The following FAM131B variants were observed in gnomAD, a reference collection of about 807,000 sequenced individuals.
FAM131B encodes family with sequence similarity 131 member B, also known as protein FAM131B.
A neutral mutation model predicts 42.0 loss-of-function variants in FAM131B; 19 were observed. That is an observed-to-expected ratio of 0.45 (90% confidence interval 0.32 to 0.66). The LOEUF is 0.66. FAM131B is among the 30% of genes least tolerant of loss of function. The pLI is 0.05. For synonymous variants in FAM131B, 183 were observed against 177.6 expected (o/e 1.03, Z -0.24); for missense variants, 370 against 468.4 (o/e 0.79, Z 1.94).
Position 143,362,088 on chromosome 7 carries a change from A to C in FAM131B, c.28+488T>G. 1.0e-6 allele frequency: 1 copy of C among 982,246 alleles called. No individual in the cohort carries two copies. Among genetic ancestry groups the C allele is most frequent in the Non-Finnish European group, 1.2e-6 (1 of 826,852 alleles). The allele number at this position is 982,246 out of a possible 1,614,324, so 60.8% of individuals were successfully genotyped here. ...GGAGAGGGAGAGAGAGATGGGGCAA[A>C]GCACCCGAGCCAGATGGAGGCGGCG... On this transcript the variant is annotated intron_variant, in intron 1 of 6. Coordinates refer to ENST00000443739, the MANE Select transcript of FAM131B (RefSeq NM_001031690.3). This position sits in a 1 kb window ranked among gnomAD's most constrained non-coding sequence, Gnocchi z 7.7.
chr7:143,367,732 C>T (rs559202317), upstream of FAM131B, among the ~76,000 whole-genome samples: 6 of 144,174 alleles, frequency 4.2e-5, no homozygotes, highest in South Asian at 2.2e-4. Context: ...GAAAGCTTAT[C>T]GGCATGGGCA....
At chr7:143,360,230 C>A in intron 1 of FAM131B, 81 bp from the exon 2 acceptor site, 1 of 1,539,334 alleles carries the variant, frequency 6.5e-7, no homozygotes, top group African/African-American at 1.4e-5. Flanking sequence ...CCCTTCACAC[C>A]CCTTCCTTAC....
chr7:143,364,114 G>A (rs1183536643), upstream of FAM131B: 4 of 152,152 alleles, frequency 2.6e-5, no homozygotes, highest in East Asian at 1.9e-4. Context: ...GATTTTAATC[G>A]TTTAGTGTAG....
the FAM131B span, chr7:143,380,372 T>G: frequency 3.8e-5 from 37 of 982,658 alleles, no homozygotes; most frequent in Admixed American, 6.2e-5. The surrounding 1 kb of genome is among the most constrained non-coding windows in gnomAD (Gnocchi z 5.0). Flanking sequence ...GCCCAAGAGC[T>G]CCACCGTCGC....
At position 143,357,422 on chromosome 7, in the gene FAM131B, G is replaced by C. The variant is rs375068827; in HGVS notation, c.468C>G (p.Gly156=). The change falls in exon 6 of 7, where the codon GGC becomes GGG. Residue 156 remains glycine (G), a splice_region_variant and synonymous_variant. Coordinates refer to ENST00000443739, the MANE Select transcript of FAM131B (RefSeq NM_001031690.3). The part of the protein sequence containing the change: ...DGEKEARFLA[G]VMEQFAISEA... Reference sequence around the variant, plus strand: ...CAGAGATAGCAAACTGCTCCATGACGCCTGGGGGAAGAAATGCAACAACCA... The same window carrying C: ...CAGAGATAGCAAACTGCTCCATGACCCCTGGGGGAAGAAATGCAACAACCA... 1 of 1,604,826 alleles carries C rather than the reference G, an allele frequency of 6.2e-7. No homozygotes were observed. Among genetic ancestry groups the C allele is most frequent in the Admixed American group, 1.7e-5 (1 of 57,766 alleles).
the FAM131B span, among the ~76,000 whole-genome samples, chr7:143,378,779 G>T: frequency 6.6e-6 from 1 of 152,102 alleles, no homozygotes; most frequent in Non-Finnish European, 1.5e-5. Context: ...GTTTCACCAC[G>T]TTGGTCAGGC....
intron 1 of FAM131B, chr7:143,360,417 C>T: frequency 7.6e-7 from 1 of 1,318,328 alleles, no homozygotes; most frequent in Non-Finnish European, 9.7e-7. Context: ...TGGGTTTTAT[C>T]AGAAAACCAA....
chr7:143,363,599 C>G (rs1804097312), upstream of FAM131B, among the ~76,000 whole-genome samples: 2 of 152,130 alleles, frequency 1.3e-5, no homozygotes, highest in African/African-American at 4.8e-5. Flanking sequence ...AGATGAAGGT[C>G]TAAGTTGCAA....
rs1299933703 is a variant in FAM131B at position 143,360,034 on chromosome 7, T to G, written c.138+6A>C. 6.2e-7 allele frequency: 1 copy of G among 1,606,844 alleles called. No homozygotes were observed. The highest frequency in any genetic ancestry group is 8.5e-7 in the Non-Finnish European group (1 of 1,173,974). ...AGAGACTTGGGGTGGCTGAGTGAGG[T>G]CTCACCTCAGTCGATGGCCGATGGA... On this transcript the variant is annotated splice_donor_region_variant and intron_variant, in intron 2 of 6. Coordinates refer to ENST00000443739, the MANE Select transcript of FAM131B (RefSeq NM_001031690.3).
the FAM131B span, among the ~76,000 whole-genome samples, chr7:143,370,141 G>GC: frequency 3.3e-5 from 5 of 152,192 alleles, no homozygotes; most frequent in African/African-American, 1.2e-4. Context: ...CTGTGTTGGG[G>GC]GCAGGGCCAA....
the FAM131B span, among the ~76,000 whole-genome samples, chr7:143,369,180 G>A: frequency 6.6e-6 from 1 of 152,136 alleles, no homozygotes; most frequent in Non-Finnish European, 1.5e-5. Context: ...GTTAGTAAGT[G>A]GCTGAACTGT....
At chr7:143,370,586 C>A in the FAM131B span, among the ~76,000 whole-genome samples, 1 of 152,158 alleles carries the variant, frequency 6.6e-6, no homozygotes, top group African/African-American at 2.4e-5. Context: ...CGAGAGTAAC[C>A]TCTGGTCTTC....
the FAM131B span, chr7:143,381,723 G>T: frequency 3.1e-6 from 5 of 1,601,132 alleles, no homozygotes; most frequent in Non-Finnish European, 4.3e-6. Context: ...CCGGCACCCG[G>T]GGCCCAGCGC....
rs758228344 is a variant in FAM131B at position 143,357,059 on chromosome 7, A to G, written c.611-37T>C. On this transcript the variant is annotated intron_variant, in intron 6 of 6. Transcript: ENST00000443739. The stretch of plus-strand genomic sequence containing the variant: ...ATCATGGAGGTCAGTGGGGCCACAG[A>G]ATGTCAAGGGCAGGAATGACAGCAC... 13 of 1,476,110 alleles carry G rather than the reference A, an allele frequency of 8.8e-6. No individual in the cohort carries two copies. In the South Asian group the frequency reaches 1.3e-4, roughly 14 times the overall value. The allele number at this position is 1,476,110 out of a possible 1,614,324, so 91.4% of individuals were successfully genotyped here.
At chr7:143,380,569 A>C in the FAM131B span, 3 of 985,046 alleles carry the variant, frequency 3.0e-6, no homozygotes, top group Non-Finnish European at 3.6e-6. This position sits in a 1 kb window ranked among gnomAD's most constrained non-coding sequence, Gnocchi z 5.0. Context: ...TCCCACCTCC[A>C]TTCCCGGCCC....
chr7:143,362,930 C>T (rs1462187592), upstream of FAM131B, among the ~76,000 whole-genome samples: 2 of 151,724 alleles, frequency 1.3e-5, no homozygotes, highest in African/African-American at 4.8e-5. The surrounding 1 kb of genome is among the most constrained non-coding windows in gnomAD (Gnocchi z 7.7). Context: ...CCGCCGTCGC[C>T]GCCCCCCTCC....
the FAM131B span, chr7:143,381,694 C>T: frequency 3.1e-6 from 5 of 1,606,718 alleles, no homozygotes; most frequent in African/African-American, 4.0e-5. Flanking sequence ...CCTTCCGGCC[C>T]GGGGACAGCG....
upstream of FAM131B, among the ~76,000 whole-genome samples, chr7:143,364,578 T>C (rs1804136477): frequency 6.6e-6 from 1 of 152,220 alleles, no homozygotes; most frequent in Admixed American, 6.5e-5. Context: ...TTTATCCAAA[T>C]GATTTAACAT....
the FAM131B span, among the ~76,000 whole-genome samples, chr7:143,368,086 T>C: frequency 7.6e-3 from 1,163 of 152,292 alleles, 16 homozygotes; most frequent in African/African-American, 0.026. Flanking sequence ...TGTCAGCGCT[T>C]TCCTGCTGCT....
Sources: allele counts gnomAD v4.1 joint callset (sites outside exome capture counted in the v4.1 genomes callset), GRCh38; gene constraint gnomAD v4.1.1; non-coding constraint Gnocchi (gnomAD v3.1); transcripts MANE v1.5; gene names NCBI Gene and HGNC (gene_info 2026-07-23, HGNC 2026-07-21).